Variants in MBD5 observed in about 807,000 individuals in gnomAD.
The protein encoded by MBD5 is methyl-CpG binding domain protein 5, also known as methyl-CpG-binding domain protein 5.
A neutral mutation model predicts 117.3 loss-of-function variants in MBD5; 13 were observed. The observed-to-expected ratio is 0.11, with a 90% CI of 0.07 to 0.18. MBD5 has a LOEUF of 0.18. Ranked by LOEUF, MBD5 falls within the 10% of genes least tolerant of loss-of-function variation. MBD5 has a pLI of 1.00. For synonymous variants in MBD5, 727 were observed against 766.4 expected (o/e 0.95, Z 0.85); for missense variants, 1,879 against 2,093.8 (o/e 0.90, Z 2.00).
chr2:148,281,541 T>C (rs1701245468), intron 3 of MBD5, among the ~76,000 whole-genome samples: 1 of 152,176 alleles, frequency 6.6e-6, no homozygotes, highest in Admixed American at 6.5e-5. Flanking sequence ...TTATGTTTTC[T>C]GATTGCTCGT....
At chr2:148,440,110 T>A (rs1706274406) in intron 4 of MBD5, among the ~76,000 whole-genome samples, 1 of 152,222 alleles carries the variant, frequency 6.6e-6, no homozygotes, top group Non-Finnish European at 1.5e-5. Flanking sequence ...AATGAATCTT[T>A]TCTGTTTTAT....
chr2:148,505,626 T>A (rs890321820), intron 12 of MBD5, among the ~76,000 whole-genome samples: 2 of 152,324 alleles, frequency 1.3e-5, no homozygotes, highest in African/African-American at 4.8e-5. Context: ...ACAAAATGGC[T>A]ATTAAATAAG....
At chr2:148,244,882 T>C (rs1355901805) in intron 3 of MBD5, among the ~76,000 whole-genome samples, 1 of 152,094 alleles carries the variant, frequency 6.6e-6, no homozygotes, top group Non-Finnish European at 1.5e-5. Context: ...GACCCATGAA[T>C]CATAACCAGG....
chr2:148,147,574 A>G (rs929315925), intron 1 of MBD5, among the ~76,000 whole-genome samples: 2 of 152,130 alleles, frequency 1.3e-5, no homozygotes, highest in African/African-American at 4.8e-5. Context: ...GTTAACTGTC[A>G]ACTCTAAAAA....
At chr2:148,391,422 A>T (rs1704569494) in intron 4 of MBD5, among the ~76,000 whole-genome samples, 1 of 152,184 alleles carries the variant, frequency 6.6e-6, no homozygotes, top group Admixed American at 6.5e-5. Flanking sequence ...ATGACTTAAT[A>T]TTTCTCTGCA....
At chr2:148,324,479 T>A (rs557294829) in intron 3 of MBD5, among the ~76,000 whole-genome samples, 1 of 152,370 alleles carries the variant, frequency 6.6e-6, no homozygotes, top group East Asian at 1.9e-4. Flanking sequence ...GCATGGAATG[T>A]TCTTCCATTT....
In MBD5 at chr2:148,034,003, T is replaced by C. The variant is rs369342856; in HGVS notation, c.-925+12319T>C. On this transcript the variant is annotated intron_variant, in intron 1 of 13. Transcript: ENST00000642680. ...AAGCTTATTAGAATGTTTGACAGCC[T>C]GGGCACCATGGTGAAACCTCATTTC... 7.9e-5 allele frequency among the ~76,000 whole-genome samples: 12 copies of C among 152,288 alleles called. No individual in the cohort carries two copies. The South Asian group carries it at 2.3e-3, about 29-fold the overall frequency.
At chr2:148,174,889 G>T (rs1399585087) in intron 1 of MBD5, among the ~76,000 whole-genome samples, 1 of 152,100 alleles carries the variant, frequency 6.6e-6, no homozygotes, top group Non-Finnish European at 1.5e-5. Flanking sequence ...CTGTGTGAAG[G>T]TTCCTCAATA....
intron 1 of MBD5, among the ~76,000 whole-genome samples, chr2:148,145,943 T>C (rs2105584355): frequency 6.6e-6 from 1 of 152,302 alleles, no homozygotes; most frequent in African/African-American, 2.4e-5. Context: ...GGCTTTGGTA[T>C]CAGGATGATG....
chr2:148,370,477 C>CTATT (rs200927183), intron 4 of MBD5, among the ~76,000 whole-genome samples: 2,956 of 151,742 alleles, frequency 0.019, 93 homozygotes, highest in African/African-American at 0.065. Context: ...GCACGATAGC[C>CTATT]TATTTATTTA....
chr2:148,059,789 T>C (rs1694977114), intron 1 of MBD5, among the ~76,000 whole-genome samples: 1 of 149,218 alleles, frequency 6.7e-6, no homozygotes, highest in Non-Finnish European at 1.5e-5. Context: ...GAGCTTGCAG[T>C]GAGCCAAGAT....
intron 1 of MBD5, among the ~76,000 whole-genome samples, chr2:148,155,913 C>T (rs1398922443): frequency 6.6e-6 from 1 of 152,186 alleles, no homozygotes; most frequent in Non-Finnish European, 1.5e-5. Flanking sequence ...GTAAGCTATA[C>T]TCCTGTTACT....
In MBD5 at chr2:148,423,162, T is replaced by C. The variant is rs147652212; in HGVS notation, c.-556-35041T>C. Among the ~76,000 whole-genome samples the C allele has an allele frequency of 3.8e-4, 58 of 151,786 alleles. No individual in the cohort carries two copies. In the East Asian group the frequency reaches 0.011, roughly 28 times the overall value. On this transcript the variant is annotated intron_variant, in intron 4 of 13. Transcript: ENST00000642680. ...ACCAAGGTTGAAATGATGGAAAAAA[T>C]ATTAAGGGCAGCGAGAGAGAAGGGT... is the stretch of plus-strand genomic sequence containing the variant.
At chr2:148,477,615 G>T (rs1681012272) in intron 8 of MBD5, among the ~76,000 whole-genome samples, 1 of 151,870 alleles carries the variant, frequency 6.6e-6, no homozygotes, top group Non-Finnish European at 1.5e-5. Context: ...TTAAAAATCG[G>T]TCCTTTAAAT....
chr2:148,195,110 T>C (rs1025181301), intron 2 of MBD5, among the ~76,000 whole-genome samples: 2 of 141,158 alleles, frequency 1.4e-5, no homozygotes, highest in Non-Finnish European at 2.9e-5. Context: ...AAATAAGCAA[T>C]TGGCTTTTTG....
chr2:148,483,100 T>TC lies in MBD5; in HGVS notation c.2519-10_2519-9insC, dbSNP rs1681212617. 1 of 1,606,448 alleles carries TC rather than the reference T, an allele frequency of 6.2e-7. No individual in the cohort carries two copies. Among genetic ancestry groups the TC allele is most frequent in the African/African-American group, 1.3e-5 (1 of 74,718 alleles). On this transcript the variant is annotated splice_polypyrimidine_tract_variant and intron_variant, in intron 8 of 13. Transcript: ENST00000642680. ...AACTGGGTTTTGTGTTTTTTTTTTT[T>TC]TCATTTTAGGCGGTTCAGGACCATC...
At chr2:148,338,481 A>G (rs1319575524) in intron 3 of MBD5, among the ~76,000 whole-genome samples, 1 of 152,154 alleles carries the variant, frequency 6.6e-6, no homozygotes, top group Non-Finnish European at 1.5e-5. Context: ...ATAATCAGTA[A>G]AATGTTATAA....
At chr2:148,079,802 A>G (rs530032869) in intron 1 of MBD5, among the ~76,000 whole-genome samples, 1 of 152,072 alleles carries the variant, frequency 6.6e-6, no homozygotes, top group African/African-American at 2.4e-5. Flanking sequence ...GGTTGCAGTG[A>G]GCTGAGATCG....
intron 7 of MBD5, among the ~76,000 whole-genome samples, chr2:148,465,166 G>A (rs1474958434): frequency 1.3e-5 from 2 of 152,092 alleles, no homozygotes; most frequent in Middle Eastern, 3.4e-3. Flanking sequence ...TTATGTTCAG[G>A]CTAAACACAT....
Sources: allele counts gnomAD v4.1 joint callset (sites outside exome capture counted in the v4.1 genomes callset), GRCh38; gene constraint gnomAD v4.1.1; transcripts MANE v1.5; gene names NCBI Gene and HGNC (gene_info 2026-07-23, HGNC 2026-07-21).